The following IKBKE variants were observed in gnomAD, a reference collection of about 807,000 sequenced individuals.
IKBKE encodes inhibitor of nuclear factor kappa-B kinase subunit epsilon.
A neutral mutation model predicts 92.1 loss-of-function variants in IKBKE; 45 were observed. The observed-to-expected ratio is 0.49, with a 90% CI of 0.38 to 0.63. The LOEUF (loss-of-function observed/expected upper bound fraction) is 0.63, where lower values mean the gene tolerates loss of function less well. Ranked by LOEUF, IKBKE falls within the 20% of genes least tolerant of loss-of-function variation. The pLI, the probability that IKBKE is intolerant of heterozygous loss-of-function variation, is 0.00. For synonymous variants in IKBKE, 374 were observed against 380.3 expected (o/e 0.98, Z 0.19); for missense variants, 700 against 932.8 (o/e 0.75, Z 3.25).
intron 4 of IKBKE, 77 bp downstream of exon 4, chr1:206,474,548 C>G: frequency 1.4e-6 from 2 of 1,416,898 alleles, no homozygotes; most frequent in South Asian, 2.7e-5. Flanking sequence ...CACATGATAA[C>G]AGAGATTTGG....
In IKBKE at chr1:206,476,296, C is replaced by T. The variant is rs781921985; in HGVS notation, c.474C>T (p.Phe158=). 1.3e-5 allele frequency: 21 copies of T among 1,613,906 alleles called. No homozygotes were observed. Among genetic ancestry groups the T allele is most frequent in the South Asian group, 3.3e-5 (3 of 91,082 alleles). ...EGQSIYKLTD[F]GAARELDDDE... is the part of the protein sequence containing the mutation. ...AGAGCATCTACAAGCTGACAGACTTCGGCGCTGCCCGGGAGCTGGATGATG... is the reference window on the plus strand; with the variant it reads ...AGAGCATCTACAAGCTGACAGACTTTGGCGCTGCCCGGGAGCTGGATGATG... Residue 158 remains phenylalanine, a synonymous_variant, in exon 6 of 22, where the codon TTC becomes TTT. Coordinates refer to ENST00000581977, the MANE Select transcript of IKBKE (RefSeq NM_014002.4). This position sits in a 1 kb window ranked among gnomAD's most constrained non-coding sequence, Gnocchi z 5.1.
chr1:206,485,627 G>A lies in IKBKE; in HGVS notation c.1616+321G>A, dbSNP rs1421562892. Among the ~76,000 whole-genome samples the A allele has an allele frequency of 6.6e-6, 1 of 152,184 alleles. No individual in the cohort carries two copies. Among genetic ancestry groups the A allele is most frequent in the Non-Finnish European group, 1.5e-5 (1 of 68,036 alleles). ...TTTCTCTGTGTCAGGCCCTTGGGTAGGTCCTCTCACGTACAGCATCTCGTT... is the reference window on the plus strand; with the variant it reads ...TTTCTCTGTGTCAGGCCCTTGGGTAAGTCCTCTCACGTACAGCATCTCGTT... On this transcript the variant is annotated intron_variant, in intron 15 of 21. Transcript: ENST00000581977. The surrounding 1 kb of genome is among the most constrained non-coding windows in gnomAD (Gnocchi z 5.0).
In IKBKE at chr1:206,496,173, A is replaced by C; in HGVS notation, c.*28A>C. The C allele has an allele frequency of 6.3e-7, 1 of 1,591,518 alleles. No individual in the cohort carries two copies. The highest frequency in any genetic ancestry group is 1.1e-5 in the South Asian group (1 of 90,748). The stretch of plus-strand genomic sequence containing the variant: ...TCCATGGGGCACATGAGGCATCCTG[A>C]AGCATTAGAATGATTCCAACACTGC... On this transcript the variant is annotated 3_prime_UTR_variant, in exon 22 of 22. Transcript: ENST00000581977.
At chr1:206,481,461 G>GGAGGAA (rs1665386178) in intron 13 of IKBKE, among the ~76,000 whole-genome samples, 1 of 152,232 alleles carries the variant, frequency 6.6e-6, no homozygotes, top group Non-Finnish European at 1.5e-5. Flanking sequence ...GGAGCAGGGA[G>GGAGGAA]GAGGAAGAGG....
In IKBKE at chr1:206,480,049, C is replaced by T. The variant is rs1553386580; in HGVS notation, c.1276C>T (p.Leu426=). The T allele has an allele frequency of 1.2e-6, 2 of 1,606,640 alleles. No individual in the cohort carries two copies. Among genetic ancestry groups the T allele is most frequent in the African/African-American group, 1.3e-5 (1 of 74,498 alleles). The change falls in exon 12 of 22, where the codon CTG becomes TTG. Residue 426 remains leucine, a synonymous_variant. Transcript: ENST00000581977. ...CGTGTTGGGCGCCGGCTACCAGGCC[C>T]TGCGGCTGGCACGGGCCCTGCTGGA... ...KGVLGAGYQA[L]RLARALLDGQ...
rs1379670308 is a variant in IKBKE, at chr1:206,487,121, T to A, written c.1617-793T>A. Among the ~76,000 whole-genome samples, 1 of 152,234 alleles carries A rather than the reference T, an allele frequency of 6.6e-6. No homozygotes were observed. The highest frequency in any genetic ancestry group is 1.9e-4 in the East Asian group (1 of 5,200). On this transcript the variant is annotated intron_variant, in intron 15 of 21. Coordinates refer to ENST00000581977, the MANE Select transcript of IKBKE (RefSeq NM_014002.4). The surrounding 1 kb of genome is among the most constrained non-coding windows in gnomAD (Gnocchi z 5.3). ...CTGGCAGAGCCCTGGAACAAGCCTG[T>A]GCTCTGTTCAGAGTCAAGCTCCAGA...
chr1:206,474,097 T>G (rs1372686766), intron 3 of IKBKE, among the ~76,000 whole-genome samples: 1 of 150,052 alleles, frequency 6.7e-6, no homozygotes. Context: ...CAACAAGCCA[T>G]CCCCTGCAGA....
chr1:206,484,066 C>T (rs998450682), intron 13 of IKBKE, among the ~76,000 whole-genome samples: 6 of 148,540 alleles, frequency 4.0e-5, no homozygotes, highest in South Asian at 2.1e-4. Context: ...CTGGTATTAC[C>T]GGTGTGAGCC....
chr1:206,484,729 T>C (rs1665566361), intron 13 of IKBKE, among the ~76,000 whole-genome samples: 1 of 152,226 alleles, frequency 6.6e-6, no homozygotes, highest in South Asian at 2.1e-4. Context: ...CCTTGCATCA[T>C]GGGCCCGTGA....
At chr1:206,474,286 G>T (rs781930480) in intron 3 of IKBKE, 45 bp from the exon 4 acceptor site, 5 of 1,581,640 alleles carry the variant, frequency 3.2e-6, no homozygotes, top group Non-Finnish European at 4.3e-6. Context: ...AGTGGGACAT[G>T]TGCTAATCCC....
chr1:206,480,012 TG>T lies in IKBKE; in HGVS notation c.1249-9del. ...TGTGGGACCTGGCCCTGTGCATCTCTGTGTTTCAGGGCGTGTTGGGCGCCGG... is the reference window on the plus strand; with the variant it reads ...TGTGGGACCTGGCCCTGTGCATCTCTTGTTTCAGGGCGTGTTGGGCGCCGG... On this transcript the variant is annotated splice_polypyrimidine_tract_variant and intron_variant, in intron 11 of 21. Transcript: ENST00000581977. The T allele has an allele frequency of 1.2e-6, 2 of 1,610,572 alleles. No homozygotes were observed. The highest frequency in any genetic ancestry group is 1.7e-6 in the Non-Finnish European group (2 of 1,178,684).
In IKBKE at chr1:206,479,117, G is replaced by A. The variant is rs1665229715; in HGVS notation, c.1167G>A (p.Gly389=). 1.2e-6 allele frequency: 2 copies of A among 1,605,518 alleles called. No individual in the cohort carries two copies. The highest frequency in any genetic ancestry group is 2.2e-5 in the East Asian group (1 of 44,754). Residue 389 remains glycine (G), a synonymous_variant, in exon 10 of 22, where the codon GGG becomes GGA. Transcript: ENST00000581977. ...TCTTCAGCACAGCCATCCCTAAGGG[G>A]CTGGCCTTCAGGGACCGTGAGTAGA... is the stretch of plus-strand genomic sequence containing the variant. The part of the protein sequence containing the change: ...LTLFSTAIPK[G]LAFRDPALDV...
Position 206,478,836 on chromosome 1 carries a change from A to G in IKBKE, c.993-107A>G. Reference sequence around the variant, plus strand: ...ACCCCCGTCCCTCCCTCTGCAAAACAGAGCCCTGTCTATGGGCAACGCTTA... The same window carrying G: ...ACCCCCGTCCCTCCCTCTGCAAAACGGAGCCCTGTCTATGGGCAACGCTTA... On this transcript the variant is annotated intron_variant, in intron 9 of 21. Coordinates refer to ENST00000581977, the MANE Select transcript of IKBKE (RefSeq NM_014002.4). The surrounding 1 kb of genome is among the most constrained non-coding windows in gnomAD (Gnocchi z 4.8). The G allele has an allele frequency of 1.1e-6, 1 of 871,440 alleles. No individual in the cohort carries two copies. The highest frequency in any genetic ancestry group is 1.9e-6 in the Non-Finnish European group (1 of 516,358). The allele number at this position is 871,440 out of a possible 1,614,324, so 54.0% of individuals were successfully genotyped here.
At chr1:206,486,133 C>T (rs1665645687) in intron 15 of IKBKE, among the ~76,000 whole-genome samples, 1 of 152,254 alleles carries the variant, frequency 6.6e-6, no homozygotes, top group Non-Finnish European at 1.5e-5. Flanking sequence ...ATTTATCCCA[C>T]TTACGGTGAA....
rs143393318 is a variant in IKBKE, at chr1:206,488,281, C to T, written c.1693+291C>T. 1.5e-3 allele frequency among the ~76,000 whole-genome samples: 227 copies of T among 152,306 alleles called. 1 individual carries two copies. The highest frequency in any genetic ancestry group is 5.1e-3 in the African/African-American group (211 of 41,564). On this transcript the variant is annotated intron_variant, in intron 16 of 21. Transcript: ENST00000581977. ...CACATGGTTGGGGGATCCAGTGGGC[C>T]GGGACCTGGGTGCTGTAGGAGAGGT...
intron 8 of IKBKE, 51 bp downstream of exon 8, chr1:206,477,910 C>A: frequency 8.0e-7 from 1 of 1,251,860 alleles, no homozygotes; most frequent in Non-Finnish European, 1.1e-6. Flanking sequence ...CTGGGTGTCA[C>A]TTCTCTCTGC....
intron 13 of IKBKE, among the ~76,000 whole-genome samples, chr1:206,481,646 C>T (rs1190688409): frequency 1.3e-5 from 2 of 152,024 alleles, no homozygotes; most frequent in Non-Finnish European, 2.9e-5. Context: ...TTCAGAGAGG[C>T]CCATGCTTCC....
chr1:206,483,181 C>T (rs1012703318), intron 13 of IKBKE, among the ~76,000 whole-genome samples: 1 of 152,240 alleles, frequency 6.6e-6, no homozygotes, highest in East Asian at 1.9e-4. Context: ...CCTTTTGATC[C>T]CTATGAATAT....
Position 206,487,822 on chromosome 1 carries a change from T to C in IKBKE, c.1617-92T>C, listed in dbSNP as rs1487352795. 4 of 978,742 alleles carry C rather than the reference T, an allele frequency of 4.1e-6. No individual in the cohort carries two copies. In the Admixed American group the frequency reaches 6.1e-5, roughly 15 times the overall value. 60.6% of individuals were successfully genotyped at this position (978,742 alleles called of 1,614,324 possible). A position where few individuals can be genotyped will look rare whatever the true frequency, so the allele number is the denominator to read the frequency against. On this transcript the variant is annotated intron_variant, in intron 15 of 21. Transcript: ENST00000581977. This position sits in a 1 kb window ranked among gnomAD's most constrained non-coding sequence, Gnocchi z 5.3. Reference sequence around the variant, plus strand: ...CCCAAAACTGTGGCTGTGAGGCTCCTCCCCTATTCCACTGCCACCCTTCCC... The same window carrying C: ...CCCAAAACTGTGGCTGTGAGGCTCCCCCCCTATTCCACTGCCACCCTTCCC...
Sources: allele counts gnomAD v4.1 joint callset (sites outside exome capture counted in the v4.1 genomes callset), GRCh38; gene constraint gnomAD v4.1.1; non-coding constraint Gnocchi (gnomAD v3.1); transcripts MANE v1.5; gene names NCBI Gene and HGNC (gene_info 2026-07-23, HGNC 2026-07-21).